Variants in DPYSL5 observed in about 807,000 individuals in gnomAD.
The protein encoded by DPYSL5 is dihydropyrimidinase like 5.
A neutral mutation model predicts 58.4 loss-of-function variants in DPYSL5; 9 were observed. That is an observed-to-expected ratio of 0.15 (90% CI 0.09 to 0.27). The LOEUF (loss-of-function observed/expected upper bound fraction) is 0.27, where lower values mean the gene tolerates loss of function less well. Ranked by LOEUF, DPYSL5 falls within the 10% of genes least tolerant of loss-of-function variation. The probability of loss-of-function intolerance (pLI) is 1.00; values close to 1 mark genes in which losing one functional copy is unlikely to be tolerated. For synonymous variants in DPYSL5, 293 were observed against 301.9 expected (o/e 0.97, Z 0.31); for missense variants, 499 against 770.6 (o/e 0.65, Z 4.17).
At chr2:26,879,009 GA>G (rs1663484842) in intron 1 of DPYSL5, among the ~76,000 whole-genome samples, 1 of 152,168 alleles carries the variant, frequency 6.6e-6, no homozygotes, top group Non-Finnish European at 1.5e-5. Flanking sequence ...GTCTCCTATT[GA>G]AATGTTGGTT....
chr2:26,909,337 G>A (rs1157070907), intron 2 of DPYSL5, among the ~76,000 whole-genome samples: 1 of 151,894 alleles, frequency 6.6e-6, no homozygotes, highest in South Asian at 2.1e-4. Flanking sequence ...ATTCACACTC[G>A]CTCTCACACA....
Position 26,946,959 on chromosome 2 carries a change from C to T in DPYSL5, c.1659C>T (p.Leu553=), listed in dbSNP as rs765110220. The change falls in exon 13 of 13, where the codon CTC becomes CTT. Residue 553 remains leucine (L), a synonymous_variant. Coordinates refer to ENST00000288699, the MANE Select transcript of DPYSL5 (RefSeq NM_020134.4). ...HVPKRASARI[L]APPGGRSSGI... is the part of the protein sequence containing the mutation. The stretch of plus-strand genomic sequence containing the variant: ...CAAAGCGAGCTTCAGCTCGGATCCT[C>T]GCTCCTCCCGGAGGCAGGTCGAGTG... The T allele has an allele frequency of 1.9e-6, 3 of 1,613,928 alleles. No homozygotes were observed. The highest frequency in any genetic ancestry group is 1.3e-5 in the African/African-American group (1 of 74,930).
intron 1 of DPYSL5, among the ~76,000 whole-genome samples, chr2:26,854,693 G>A (rs1376583408): frequency 6.6e-6 from 1 of 152,228 alleles, no homozygotes; most frequent in African/African-American, 2.4e-5. Flanking sequence ...ATATTGCTCA[G>A]AGTAACCATT....
At chr2:26,879,689 C>T (rs1009841553) in intron 1 of DPYSL5, among the ~76,000 whole-genome samples, 2 of 152,182 alleles carry the variant, frequency 1.3e-5, no homozygotes, top group African/African-American at 2.4e-5. Flanking sequence ...TGGTTCTCTG[C>T]TCTCCTCCAC....
chr2:26,899,622 A>G (rs1164023577), intron 2 of DPYSL5, among the ~76,000 whole-genome samples: 1 of 152,174 alleles, frequency 6.6e-6, no homozygotes, highest in Non-Finnish European at 1.5e-5. Flanking sequence ...GGCCTGGCAC[A>G]GCTTGATGGA....
chr2:26,909,079 G>T (rs756554709), intron 2 of DPYSL5, among the ~76,000 whole-genome samples: 2 of 152,126 alleles, frequency 1.3e-5, no homozygotes, highest in African/African-American at 4.8e-5. Context: ...AGAAATTTGC[G>T]TAGGTGCCAG....
chr2:26,922,409 G>A (rs906437883), intron 2 of DPYSL5, among the ~76,000 whole-genome samples: 18 of 152,234 alleles, frequency 1.2e-4, no homozygotes, highest in African/African-American at 4.3e-4. Flanking sequence ...TTATGAAGAT[G>A]TATTTGACAG....
chr2:26,932,289 G>A (rs72804842), intron 6 of DPYSL5, among the ~76,000 whole-genome samples: 3,069 of 152,240 alleles, frequency 0.02, 39 homozygotes, highest in Non-Finnish European at 0.032. Flanking sequence ...ACCATGTCTT[G>A]CCCACAGGAA....
intron 2 of DPYSL5, among the ~76,000 whole-genome samples, chr2:26,923,126 G>C (rs1333003155): frequency 6.6e-6 from 1 of 152,144 alleles, no homozygotes; most frequent in African/African-American, 2.4e-5. Context: ...AAACCATTAA[G>C]ACAATTTCAT....
intron 8 of DPYSL5, chr2:26,939,771 T>C (rs556604496): frequency 4.6e-6 from 2 of 434,260 alleles, no homozygotes; most frequent in South Asian, 6.1e-5. Context: ...ATCTTCACTC[T>C]TAAACATTGC....
At chr2:26,895,594 T>C (rs1663990646) in intron 1 of DPYSL5, among the ~76,000 whole-genome samples, 1 of 152,086 alleles carries the variant, frequency 6.6e-6, no homozygotes, top group Non-Finnish European at 1.5e-5. Flanking sequence ...TTGATAGCCA[T>C]ACTCAAAGCA....
At chr2:26,916,937 A>G (rs561596458) in intron 2 of DPYSL5, among the ~76,000 whole-genome samples, 1 of 152,330 alleles carries the variant, frequency 6.6e-6, no homozygotes, top group Admixed American at 6.5e-5. Context: ...TAGTCTGCGC[A>G]TTAGTGCTAC....
At chr2:26,929,773 G>A (rs1028321253) in intron 5 of DPYSL5, among the ~76,000 whole-genome samples, 1 of 152,170 alleles carries the variant, frequency 6.6e-6, no homozygotes, top group African/African-American at 2.4e-5. Context: ...CTGCCCTCTG[G>A]CTTTATCCCT....
intron 6 of DPYSL5, among the ~76,000 whole-genome samples, chr2:26,932,300 C>T (rs1665055112): frequency 6.6e-6 from 1 of 152,202 alleles, no homozygotes; most frequent in Non-Finnish European, 1.5e-5. Context: ...CCCACAGGAA[C>T]CCAGAGCTGT....
At chr2:26,931,709 G>C in intron 6 of DPYSL5, 25 bp downstream of exon 6, 1 of 1,613,396 alleles carries the variant, frequency 6.2e-7, no homozygotes, top group Non-Finnish European at 8.5e-7. Flanking sequence ...GTCCACTGTG[G>C]GATTAGAAAC....
intron 1 of DPYSL5, among the ~76,000 whole-genome samples, chr2:26,879,072 T>C (rs1663486997): frequency 6.6e-6 from 1 of 152,182 alleles, no homozygotes; most frequent in Non-Finnish European, 1.5e-5. Flanking sequence ...GTTGGTTGAG[T>C]ATCTGGCACC....
intron 1 of DPYSL5, among the ~76,000 whole-genome samples, chr2:26,853,643 T>C (rs1369740077): frequency 1.3e-5 from 2 of 152,062 alleles, no homozygotes; most frequent in African/African-American, 4.8e-5. Context: ...GTTTATGCAA[T>C]TGGAGAGGCT....
At chr2:26,930,690 A>G (rs1186962145) in intron 5 of DPYSL5, among the ~76,000 whole-genome samples, 5 of 151,900 alleles carry the variant, frequency 3.3e-5, no homozygotes, top group Admixed American at 1.3e-4. Flanking sequence ...TTAGCCAAGC[A>G]TGGGCCGGGC....
intron 2 of DPYSL5, among the ~76,000 whole-genome samples, chr2:26,921,868 G>T (rs983784025): frequency 2.0e-5 from 3 of 152,114 alleles, no homozygotes; most frequent in Non-Finnish European, 1.5e-5. Context: ...TAAGGTGCAG[G>T]TCAGGGGGCA....
Sources: gnomAD v4.1 joint callset for allele counts (sites outside exome capture counted in the v4.1 genomes callset) on GRCh38, gnomAD v4.1.1 for gene constraint, MANE v1.5 for transcripts, NCBI Gene and HGNC (gene_info 2026-07-23, HGNC 2026-07-21) for gene names.